ANKRD55: variants seen among roughly 807,000 people sequenced by gnomAD.
The protein encoded by ANKRD55 is ankyrin repeat domain 55.
A neutral mutation model predicts 60.6 loss-of-function variants in ANKRD55; 41 were observed. The observed-to-expected ratio is 0.68, with a 90% CI of 0.53 to 0.88. The LOEUF (loss-of-function observed/expected upper bound fraction) is 0.88. Among genes scored for constraint, ANKRD55 ranks in the 40% least tolerant of loss-of-function variants. The pLI, the probability that ANKRD55 is intolerant of heterozygous loss-of-function variation, is 0.00. For synonymous variants in ANKRD55, 264 were observed against 290.3 expected (o/e 0.91, Z 0.92); for missense variants, 732 against 767.6 (o/e 0.95, Z 0.55).
chr5:56,138,711 T>C (rs1395557685), intron 7 of ANKRD55, among the ~76,000 whole-genome samples: 3 of 152,168 alleles, frequency 2.0e-5, no homozygotes, highest in Admixed American at 6.5e-5. Flanking sequence ...GAAATGTAAA[T>C]GCATATTACT....
At chr5:56,170,974 G>A (rs975611609) in intron 4 of ANKRD55, among the ~76,000 whole-genome samples, 171 bp from the exon 5 acceptor site, 2 of 152,182 alleles carry the variant, frequency 1.3e-5, no homozygotes, top group African/African-American at 2.4e-5. Context: ...ACAGATGGCC[G>A]AAGGTCTTGA....
intron 2 of ANKRD55, among the ~76,000 whole-genome samples, chr5:56,190,407 T>C (rs1005627112): frequency 5.9e-5 from 9 of 152,214 alleles, no homozygotes; most frequent in Non-Finnish European, 1.2e-4. Flanking sequence ...CCAAATCCAG[T>C]GTCATGAAGC....
chr5:56,232,897 G>A lies in ANKRD55; in HGVS notation c.17C>T (p.Thr6Ile). MMRQATMDFSTPSVFD... is the reference protein window; with the variant it reads MMRQAIMDFSTPSVFD... ...CACAGAAGGGGTGCTGAAATCCATG[G>A]TAGCCTGTCTCATCATTTACCATCA... The change falls in exon 2 of 12, where the codon ACC becomes ATC. Residue 6 changes from threonine (T) to isoleucine (I), a missense_variant. Physicochemically the swap from Thr to Ile is moderately conservative, Grantham distance 89. Coordinates refer to ENST00000341048, the MANE Select transcript of ANKRD55 (RefSeq NM_024669.3). The A allele has an allele frequency of 1.2e-6, 2 of 1,614,046 alleles. No homozygotes were observed. The highest frequency in any genetic ancestry group is 1.7e-6 in the Non-Finnish European group (2 of 1,180,004).
At chr5:56,110,490 T>C (rs1756651431) in intron 10 of ANKRD55, 2 of 153,560 alleles carry the variant, frequency 1.3e-5, no homozygotes, top group Admixed American at 1.3e-4. Context: ...GAGACATATA[T>C]GTGGGTAAAA....
In ANKRD55 at chr5:56,171,587, C is replaced by T. The variant is rs145449061; in HGVS notation, c.313-784G>A. 3.1e-4 allele frequency among the ~76,000 whole-genome samples: 47 copies of T among 152,296 alleles called. 1 individual carries two copies. The highest frequency in any genetic ancestry group is 4.1e-4 in the South Asian group (2 of 4,826). On this transcript the variant is annotated intron_variant, in intron 4 of 11. Transcript: ENST00000341048. The stretch of plus-strand genomic sequence containing the variant: ...CCTATTGATAACCAAGTTTGGCTCG[C>T]ATGCTAAAGAGGATGTCTCCTACGT...
chr5:56,147,849 G>A (rs905840812), intron 6 of ANKRD55, among the ~76,000 whole-genome samples: 2 of 152,096 alleles, frequency 1.3e-5, no homozygotes, highest in South Asian at 2.1e-4. Context: ...ACTTTATTTA[G>A]GAACATTTTC....
At chr5:56,189,837 T>C (rs1267013122) in intron 2 of ANKRD55, among the ~76,000 whole-genome samples, 2 of 152,196 alleles carry the variant, frequency 1.3e-5, no homozygotes, top group African/African-American at 4.8e-5. Flanking sequence ...GGGTATATAC[T>C]CAGAAGTGGA....
intron 5 of ANKRD55, among the ~76,000 whole-genome samples, chr5:56,161,575 G>A (rs1337673688): frequency 2.0e-5 from 3 of 152,154 alleles, no homozygotes; most frequent in Non-Finnish European, 2.9e-5. Flanking sequence ...TGGACTTCTG[G>A]TTATTTGCGG....
intron 7 of ANKRD55, among the ~76,000 whole-genome samples, chr5:56,133,011 T>C (rs2431873): frequency 0.11 from 17,396 of 152,218 alleles, 1,365 homozygotes; most frequent in East Asian, 0.39. Flanking sequence ...CCTCAAAATA[T>C]GCGAGGCAAA....
intron 2 of ANKRD55, chr5:56,193,301 G>A: frequency 9.4e-7 from 1 of 1,060,110 alleles, no homozygotes; most frequent in South Asian, 1.5e-5. Flanking sequence ...AATTATAAAT[G>A]TAGAAGCAGG....
At chr5:56,170,589 T>A in intron 5 of ANKRD55, 105 bp downstream of exon 5, 1 of 828,344 alleles carries the variant, frequency 1.2e-6, no homozygotes, top group Non-Finnish European at 1.9e-6. Context: ...AAAAAGATGG[T>A]TTTCTTTTTC....
intron 7 of ANKRD55, among the ~76,000 whole-genome samples, chr5:56,131,518 G>A (rs1363534915): frequency 3.9e-5 from 6 of 151,988 alleles, no homozygotes; most frequent in Non-Finnish European, 5.9e-5. Flanking sequence ...GTTTCTTGAC[G>A]GGTGCGGTGG....
chr5:56,178,221 GCT>G (rs1758778506), intron 3 of ANKRD55, among the ~76,000 whole-genome samples: 1 of 145,840 alleles, frequency 6.9e-6, no homozygotes, highest in South Asian at 2.2e-4. Context: ...ACGGCATCTT[GCT>G]CTGTTGCCCA....
In ANKRD55 at chr5:56,222,772, A is replaced by G. The variant is rs1760001381; in HGVS notation, c.58+10084T>C. Reference sequence around the variant, plus strand: ...GTATCAGTGATTGAAGATCAAATGAATGAAATGAAGCCAGAAGAGAAGTTT... The same window carrying G: ...GTATCAGTGATTGAAGATCAAATGAGTGAAATGAAGCCAGAAGAGAAGTTT... On this transcript the variant is annotated intron_variant, in intron 2 of 11. Coordinates refer to ENST00000341048, the MANE Select transcript of ANKRD55 (RefSeq NM_024669.3). 2.0e-5 allele frequency among the ~76,000 whole-genome samples: 3 copies of G among 152,366 alleles called. No homozygotes were observed. In the South Asian group the frequency reaches 6.2e-4, roughly 32 times the overall value.
At chr5:56,169,319 G>A (rs1291313690) in intron 5 of ANKRD55, among the ~76,000 whole-genome samples, 2 of 152,128 alleles carry the variant, frequency 1.3e-5, no homozygotes, top group Non-Finnish European at 2.9e-5. Context: ...ATTACGTAGA[G>A]TAAATTAAGA....
chr5:56,172,567 A>G (rs781747727), intron 4 of ANKRD55, among the ~76,000 whole-genome samples: 42 of 142,938 alleles, frequency 2.9e-4, no homozygotes, highest in Admixed American at 2.6e-3. Flanking sequence ...GTGTGTGTCA[A>G]TGGTTTTCTG....
intron 2 of ANKRD55, among the ~76,000 whole-genome samples, chr5:56,212,290 G>A (rs1047382850): frequency 3.3e-5 from 5 of 152,106 alleles, no homozygotes; most frequent in African/African-American, 9.7e-5. Context: ...GGAAAAATAA[G>A]TGATTGTATG....
intron 11 of ANKRD55, among the ~76,000 whole-genome samples, chr5:56,100,786 G>A (rs978083520): frequency 6.6e-6 from 1 of 152,148 alleles, no homozygotes; most frequent in Non-Finnish European, 1.5e-5. Flanking sequence ...ACTTAACTGT[G>A]AAAAGCAAAG....
intron 6 of ANKRD55, among the ~76,000 whole-genome samples, chr5:56,149,468 A>G (rs1757987341): frequency 6.6e-6 from 1 of 152,222 alleles, no homozygotes; most frequent in East Asian, 1.9e-4. Flanking sequence ...CTAGGAGCCA[A>G]TTCTAACAAG....
Sources: gnomAD v4.1 joint callset for allele counts (sites outside exome capture counted in the v4.1 genomes callset) on GRCh38, gnomAD v4.1.1 for gene constraint, MANE v1.5 for transcripts, NCBI Gene and HGNC (gene_info 2026-07-23, HGNC 2026-07-21) for gene names.